CRACR2A: variants seen among roughly 807,000 people sequenced by gnomAD.
CRACR2A encodes the protein EF-hand calcium-binding domain-containing protein 4B.
A neutral mutation model predicts 90.5 loss-of-function variants in CRACR2A; 79 were observed. The observed-to-expected ratio is 0.87, with a 90% CI of 0.73 to 1.05. CRACR2A has a LOEUF of 1.05. CRACR2A is among the 50% of genes least tolerant of loss of function. The pLI is 0.00. For synonymous variants in CRACR2A, 338 were observed against 356.7 expected, an observed-to-expected ratio of 0.95 and a Z score of 0.59; for missense variants, 823 against 897.2, an observed-to-expected ratio of 0.92 and a Z score of 1.06.
rs2137920022 is a variant in CRACR2A, at chr12:3,746,026, C to T, written c.-387+6989G>A. On this transcript the variant is annotated intron_variant, in intron 1 of 19. Coordinates refer to ENST00000440314, the MANE Select transcript of CRACR2A (RefSeq NM_001144958.2). The surrounding 1 kb of genome is among the most constrained non-coding windows in gnomAD (Gnocchi z 4.4). ...CCTGTCGAGGGGGTGAAGGGCTGTT[C>T]CTGTGCCTCAGGGCCCTGTGCTGTA... 6.6e-6 allele frequency among the ~76,000 whole-genome samples: 1 copy of T among 152,072 alleles called. No individual in the cohort carries two copies. The highest frequency in any genetic ancestry group is 1.5e-5 in the Non-Finnish European group (1 of 67,980).
At chr12:3,673,017 A>G (rs1945275896) in intron 7 of CRACR2A, among the ~76,000 whole-genome samples, 1 of 152,182 alleles carries the variant, frequency 6.6e-6, no homozygotes, top group South Asian at 2.1e-4. Context: ...GGAGGCAAGC[A>G]GAGTGATTTT....
At position 3,696,912 on chromosome 12, in the gene CRACR2A, G is replaced by C; in HGVS notation, c.88C>G (p.Leu30Val). 6.2e-7 allele frequency: 1 copy of C among 1,614,228 alleles called. No homozygotes were observed. The highest frequency in any genetic ancestry group is 2.2e-5 in the East Asian group (1 of 44,878). The change falls in exon 4 of 20, where the codon CTG becomes GTG. Residue 30 changes from leucine (L) to valine (V), a missense_variant. By Grantham distance (32) the Leu-to-Val change is conservative (BLOSUM62 1). Transcript: ENST00000440314. The stretch of plus-strand genomic sequence containing the variant: ...TGCTCCAGGCTGTCCAGGGGATGCA[G>C]GCAGGCTCCACTCCCCTTTGGCCCC... ...GQGPKGSGAC[L>V]HPLDSLEQKE...
chr12:3,674,443 C>T (rs1052939079), intron 6 of CRACR2A, among the ~76,000 whole-genome samples: 1 of 152,108 alleles, frequency 6.6e-6, no homozygotes, highest in African/African-American at 2.4e-5. Flanking sequence ...CATGGTGGAC[C>T]CTGTTCTCCC....
intron 7 of CRACR2A, among the ~76,000 whole-genome samples, chr12:3,665,564 A>G (rs925864031): frequency 3.9e-5 from 6 of 152,236 alleles, no homozygotes; most frequent in Non-Finnish European, 1.5e-5. Flanking sequence ...AACAAATTCT[A>G]ATTAAATAAG....
In CRACR2A at chr12:3,627,559, G is replaced by A. The variant is rs746460133; in HGVS notation, c.1818-9C>T. Reference sequence around the variant, plus strand: ...GGGTGATGCACCGGTACCTGCCACAGAAGGGCCACGGGTCAGGCATGCACG... The same window carrying A: ...GGGTGATGCACCGGTACCTGCCACAAAAGGGCCACGGGTCAGGCATGCACG... On this transcript the variant is annotated splice_polypyrimidine_tract_variant and intron_variant, in intron 16 of 19. Transcript: ENST00000440314. 2.3e-4 allele frequency: 362 copies of A among 1,551,464 alleles called. No homozygotes were observed. The highest frequency in any genetic ancestry group is 3.0e-4 in the Non-Finnish European group (339 of 1,146,926).
chr12:3,745,783 A>AAT (rs1426239289), intron 1 of CRACR2A, among the ~76,000 whole-genome samples: 1 of 14,738 alleles, frequency 6.8e-5, no homozygotes, highest in Non-Finnish European at 1.6e-4. Context: ...CGTCTCAAAA[A>AAT]ATAAAATAAA....
intron 1 of CRACR2A, 145 bp downstream of exon 1, chr12:3,752,870 C>CG (rs974674401): frequency 9.2e-5 from 14 of 152,478 alleles, no homozygotes; most frequent in African/African-American, 3.4e-4. Context: ...CTGTTCCCCC[C>CG]CAAGGGCACA....
At chr12:3,657,180 A>G (rs899150972) in intron 8 of CRACR2A, among the ~76,000 whole-genome samples, 1 of 152,250 alleles carries the variant, frequency 6.6e-6, no homozygotes, top group African/African-American at 2.4e-5. Flanking sequence ...TCATCCAACC[A>G]ACTTGCTTCA....
At chr12:3,730,863 G>A (rs1479153117) in intron 2 of CRACR2A, 1 of 152,238 alleles carries the variant, frequency 6.6e-6, no homozygotes, top group African/African-American at 2.4e-5. Flanking sequence ...GCCAATGGAG[G>A]CAGGGATAAG....
chr12:3,632,050 T>TG (rs1210475288), intron 15 of CRACR2A, among the ~76,000 whole-genome samples: 2 of 152,218 alleles, frequency 1.3e-5, no homozygotes, highest in East Asian at 3.9e-4. Flanking sequence ...GACTGGATCA[T>TG]GGGGGTGGAT....
chr12:3,666,384 C>T lies in CRACR2A; in HGVS notation c.672-6730G>A, dbSNP rs998830200. ...GCGTGTGCGCGTGCGCGCGCACGCG[C>T]GCACACGCTCATGTGTACATCTGGT... On this transcript the variant is annotated intron_variant, in intron 7 of 19. Transcript: ENST00000440314. Among the ~76,000 whole-genome samples the T allele has an allele frequency of 5.3e-5, 8 of 150,122 alleles. No homozygotes were observed. The East Asian group carries it at 7.8e-4, about 15-fold the overall frequency.
intron 7 of CRACR2A, among the ~76,000 whole-genome samples, chr12:3,671,695 T>G (rs1406438692): frequency 7.2e-5 from 11 of 152,198 alleles, no homozygotes; most frequent in Admixed American, 7.2e-4. Context: ...CTGATTATAT[T>G]CAGGCTCAAA....
At chr12:3,675,224 C>T (rs536545416) in intron 6 of CRACR2A, among the ~76,000 whole-genome samples, 1 of 152,142 alleles carries the variant, frequency 6.6e-6, no homozygotes, top group African/African-American at 2.4e-5. Context: ...AAATTTTCTT[C>T]GGAAGTGATA....
rs1001452946 is a variant in CRACR2A at position 3,633,652 on chromosome 12, T to C, written c.1687A>G (p.Arg563Gly). The change falls in exon 15 of 20, where the codon AGG becomes GGG. Residue 563 changes from arginine to glycine, a missense_variant. Arg to Gly is a moderately radical substitution (Grantham distance 125). Coordinates refer to ENST00000440314, the MANE Select transcript of CRACR2A (RefSeq NM_001144958.2). This position sits in a 1 kb window ranked among gnomAD's most constrained non-coding sequence, Gnocchi z 4.5. The part of the protein sequence containing the change: ...NSAVGKTSFL[R>G]RFCEDRFSPG... ...GAGAACCGGTCCTCACAGAATCTCC[T>C]CAGGAAGGATGTCTTCCCCACCGCG... 1 of 1,551,516 alleles carries C rather than the reference T, an allele frequency of 6.4e-7. No homozygotes were observed. Among genetic ancestry groups the C allele is most frequent in the African/African-American group, 1.4e-5 (1 of 73,012 alleles).
chr12:3,729,545 A>G (rs1014510648), intron 2 of CRACR2A: 1 of 152,214 alleles, frequency 6.6e-6, no homozygotes, highest in African/African-American at 2.4e-5. Context: ...TGTACTAAAA[A>G]TACAAAAGTT....
intron 10 of CRACR2A, among the ~76,000 whole-genome samples, chr12:3,649,239 GATAAATAA>G (rs367646184): frequency 4.4e-3 from 654 of 149,100 alleles, no homozygotes; most frequent in Middle Eastern, 0.014. Flanking sequence ...ACAATAATAA[GATAAATAA>G]ATAAATAAAT....
intron 13 of CRACR2A, chr12:3,640,559 C>A (rs1944546112): frequency 1.6e-6 from 2 of 1,263,808 alleles, no homozygotes; most frequent in Non-Finnish European, 2.1e-6. Flanking sequence ...AACAGGCCAA[C>A]CACTATTGCA....
At chr12:3,654,127 A>G in intron 10 of CRACR2A, 85 bp downstream of exon 10, 1 of 1,490,482 alleles carries the variant, frequency 6.7e-7, no homozygotes, top group Non-Finnish European at 9.1e-7. Context: ...GCAAGGAGAC[A>G]GGGTCTCTGA....
At chr12:3,739,203 A>G (rs1946489288) in intron 1 of CRACR2A, among the ~76,000 whole-genome samples, 1 of 152,230 alleles carries the variant, frequency 6.6e-6, no homozygotes, top group African/African-American at 2.4e-5. Flanking sequence ...TGTTGTTGAA[A>G]AAGTTACAGA....
Sources: allele counts gnomAD v4.1 joint callset (sites outside exome capture counted in the v4.1 genomes callset), GRCh38; gene constraint gnomAD v4.1.1; non-coding constraint Gnocchi (gnomAD v3.1); transcripts MANE v1.5; gene names NCBI Gene and HGNC (gene_info 2026-07-23, HGNC 2026-07-21).